The following RORA variants were observed in gnomAD, a reference collection of about 807,000 sequenced individuals.
RORA encodes the protein nuclear receptor ROR-alpha.
RORA carries 7 observed loss-of-function variants against 69.5 expected under a neutral mutation model. The ratio of observed to expected loss-of-function variants is 0.10; its 90% CI spans 0.06 to 0.19. RORA has a LOEUF of 0.19. Ranked by LOEUF, RORA falls within the 10% of genes least tolerant of loss-of-function variation. The probability of loss-of-function intolerance (pLI) is 1.00; values close to 1 mark genes in which losing one functional copy is unlikely to be tolerated. For synonymous variants in RORA, 261 were observed against 240.8 expected (o/e 1.08, Z -0.78); for missense variants, 457 against 663.0 (o/e 0.69, Z 3.41).
intron 1 of RORA, among the ~76,000 whole-genome samples, chr15:60,716,570 T>C (rs1264262215): frequency 6.6e-6 from 1 of 152,154 alleles, no homozygotes; most frequent in Non-Finnish European, 1.5e-5. Flanking sequence ...AACTCCCATA[T>C]CCTTTGTTAC....
intron 1 of RORA, among the ~76,000 whole-genome samples, chr15:60,931,534 T>C (rs899694142): frequency 6.6e-6 from 1 of 152,264 alleles, no homozygotes; most frequent in African/African-American, 2.4e-5. Flanking sequence ...TTTCTTCTCA[T>C]GAAGTGTCCT....
At chr15:60,919,716 C>T (rs1891986200) in intron 1 of RORA, among the ~76,000 whole-genome samples, 1 of 152,218 alleles carries the variant, frequency 6.6e-6, no homozygotes, top group East Asian at 1.9e-4. Context: ...ATTCCCTTTT[C>T]CTCTAGCTGC....
chr15:60,489,194 A>G lies in RORA; in HGVS notation c.*8261T>C, dbSNP rs1304005057. The G allele has an allele frequency of 1.3e-5, 2 of 152,254 alleles. No homozygotes were observed. Among genetic ancestry groups the G allele is most frequent in the African/African-American group, 4.8e-5 (2 of 41,468 alleles). 9.4% of individuals were successfully genotyped at this position (152,254 alleles called of 1,614,324 possible). A position where few individuals can be genotyped will look rare whatever the true frequency, so the allele number is the denominator to read the frequency against. ...GAGATTTCTCCCTCAACTGTAGCCA[A>G]TCCACTTTAAAAGGTTAACTACTAG... On this transcript the variant is annotated 3_prime_UTR_variant, in exon 11 of 11. Coordinates refer to ENST00000335670, the MANE Select transcript of RORA (RefSeq NM_134261.3).
intron 2 of RORA, among the ~76,000 whole-genome samples, chr15:60,613,583 C>T (rs1298290058): frequency 1.3e-5 from 2 of 151,956 alleles, no homozygotes; most frequent in African/African-American, 2.4e-5. Flanking sequence ...CACCAGATTG[C>T]CAGGCACGTC....
intron 1 of RORA, among the ~76,000 whole-genome samples, chr15:60,922,796 G>C (rs1892093031): frequency 6.6e-6 from 1 of 152,234 alleles, no homozygotes; most frequent in Non-Finnish European, 1.5e-5. Context: ...ACACTCTTCT[G>C]AATTCTTTAG....
chr15:61,071,240 G>T (rs1302423809), intron 1 of RORA, among the ~76,000 whole-genome samples: 2 of 9,082 alleles, frequency 2.2e-4, no homozygotes, highest in South Asian at 5.0e-3. Context: ...AGGGAGGGGA[G>T]GGGAAGGGAA....
At chr15:60,819,325 A>C (rs1163807713) in intron 1 of RORA, among the ~76,000 whole-genome samples, 5 of 152,198 alleles carry the variant, frequency 3.3e-5, no homozygotes. Flanking sequence ...TTTAAATAAC[A>C]CTATACAGAC....
At chr15:60,521,625 G>C (rs1294087677) in intron 3 of RORA, among the ~76,000 whole-genome samples, 1 of 152,072 alleles carries the variant, frequency 6.6e-6, no homozygotes, top group East Asian at 1.9e-4. Flanking sequence ...AGATTGATTC[G>C]AGTTTTCTGA....
At chr15:61,177,068 T>C (rs762486286) in intron 1 of RORA, among the ~76,000 whole-genome samples, 32 of 152,264 alleles carry the variant, frequency 2.1e-4, no homozygotes, top group Middle Eastern at 3.4e-3. Context: ...TAAAAGACAT[T>C]GAAGACAAAA....
At chr15:60,547,748 T>C (rs1165673239) in intron 2 of RORA, 1 of 152,052 alleles carries the variant, frequency 6.6e-6, no homozygotes, top group Non-Finnish European at 1.5e-5. Context: ...ATGGCCACTA[T>C]GGAGAATATG....
chr15:60,645,203 C>G (rs339978), intron 2 of RORA, among the ~76,000 whole-genome samples: 1 of 150,540 alleles, frequency 6.6e-6, no homozygotes, highest in African/African-American at 2.5e-5. Flanking sequence ...GACTGTTGGG[C>G]GAGGAGGATC....
chr15:61,170,548 A>G (rs2079576435), intron 1 of RORA, among the ~76,000 whole-genome samples: 1 of 152,222 alleles, frequency 6.6e-6, no homozygotes, highest in African/African-American at 2.4e-5. Context: ...GTCGCTTTCC[A>G]TGCAAGGTAA....
chr15:60,909,303 T>C (rs1891632796), intron 1 of RORA, among the ~76,000 whole-genome samples: 1 of 152,194 alleles, frequency 6.6e-6, no homozygotes, highest in Non-Finnish European at 1.5e-5. Flanking sequence ...AGCTGAGCTG[T>C]TCTGAGGAGT....
chr15:60,704,765 T>A (rs937592975), intron 1 of RORA, among the ~76,000 whole-genome samples: 3 of 152,134 alleles, frequency 2.0e-5, no homozygotes, highest in African/African-American at 7.2e-5. Flanking sequence ...CAAGCCTTGT[T>A]GGTTATTGAT....
chr15:60,696,341 G>A (rs981181067), intron 1 of RORA, among the ~76,000 whole-genome samples: 1 of 151,780 alleles, frequency 6.6e-6, no homozygotes, highest in Non-Finnish European at 1.5e-5. Context: ...ATTGACGAGA[G>A]TCCCACTTTC....
chr15:60,621,066 A>C (rs2069392533), intron 2 of RORA, among the ~76,000 whole-genome samples: 1 of 152,154 alleles, frequency 6.6e-6, no homozygotes, highest in South Asian at 2.1e-4. Flanking sequence ...TAGAGGGAGG[A>C]GACAAAAGTT....
At chr15:60,973,848 G>A (rs908865603) in intron 1 of RORA, among the ~76,000 whole-genome samples, 9 of 152,166 alleles carry the variant, frequency 5.9e-5, no homozygotes, top group South Asian at 2.1e-4. Context: ...CTCTGGACTC[G>A]CCAATTAGGC....
At chr15:60,653,518 C>G (rs1168415001) in intron 2 of RORA, among the ~76,000 whole-genome samples, 1 of 152,156 alleles carries the variant, frequency 6.6e-6, no homozygotes, top group Non-Finnish European at 1.5e-5. Flanking sequence ...TGAATGACTG[C>G]ATGTTGATTG....
At position 60,671,502 on chromosome 15, in the gene RORA, C is replaced by T. The variant is rs367990076; in HGVS notation, c.196+7155G>A. On this transcript the variant is annotated intron_variant, in intron 2 of 10. Transcript: ENST00000335670. ...ATTTAAAGTAAGAAGGTTGGCTAGG[C>T]GCAGTGGCTCACGCCTGTAATCCCA... 3.5e-4 allele frequency among the ~76,000 whole-genome samples: 53 copies of T among 152,100 alleles called. No individual in the cohort carries two copies. In the East Asian group the frequency reaches 8.4e-3, roughly 24 times the overall value.
Sources: gnomAD v4.1 joint callset for allele counts (sites outside exome capture counted in the v4.1 genomes callset) on GRCh38, gnomAD v4.1.1 for gene constraint, MANE v1.5 for transcripts, NCBI Gene and HGNC (gene_info 2026-07-23, HGNC 2026-07-21) for gene names.